MPHOSPH10: variants seen among roughly 807,000 people sequenced by gnomAD.
MPHOSPH10 encodes U3 small nucleolar ribonucleoprotein MPP10.
In MPHOSPH10, 33 loss-of-function variants were observed where a neutral mutation model predicts 77.3. The ratio of observed to expected loss-of-function variants is 0.43; its 90% CI spans 0.32 to 0.57. The LOEUF is 0.57. Ranked by LOEUF, MPHOSPH10 falls within the 20% of genes least tolerant of loss-of-function variation. The pLI is 0.07. For synonymous variants in MPHOSPH10, 245 were observed against 268.0 expected, an observed-to-expected ratio of 0.91 and a Z score of 0.84; for missense variants, 708 against 780.1, an observed-to-expected ratio of 0.91 and a Z score of 1.10.
At chr2:71,143,054 A>G (rs2103675538) in intron 7 of MPHOSPH10, among the ~76,000 whole-genome samples, 1 of 152,288 alleles carries the variant, frequency 6.6e-6, no homozygotes, top group African/African-American at 2.4e-5. Context: ...AACACATTAC[A>G]TGTAAATAAA....
intron 8 of MPHOSPH10, 137 bp downstream of exon 8, chr2:71,144,675 G>A (rs1448332370): frequency 1.4e-5 from 9 of 664,600 alleles, no homozygotes; most frequent in Non-Finnish European, 2.0e-5. Context: ...GGGTCTCCAT[G>A]AGGAAAGCTC....
At chr2:71,148,343 C>T in intron 9 of MPHOSPH10, 1 of 407,706 alleles carries the variant, frequency 2.5e-6, no homozygotes, top group Non-Finnish European at 4.5e-6. Flanking sequence ...TTTAAAATAG[C>T]TAGTATCAAT....
chr2:71,134,138 G>T, intron 3 of MPHOSPH10, 33 bp downstream of exon 3: 1 of 1,580,644 alleles, frequency 6.3e-7, no homozygotes, highest in Non-Finnish European at 8.6e-7. Flanking sequence ...TACATTGTAA[G>T]CTGGAATTGC....
At position 71,133,141 on chromosome 2, in the gene MPHOSPH10, A is replaced by G. The variant is rs1222221697; in HGVS notation, c.333A>G (p.Glu111=). The G allele has an allele frequency of 1.2e-6, 2 of 1,614,158 alleles. No homozygotes were observed. Among genetic ancestry groups the G allele is most frequent in the East Asian group, 4.5e-5 (2 of 44,876 alleles). ...ATATCAGTCTTCTCCCAGAGAGTGA[A>G]GAACAGGAACGTGAAGAGGATGGTT... ...DEDISLLPES[E]EQEREEDGSE... is the part of the protein sequence containing the mutation. Residue 111 remains glutamate (E), a synonymous_variant, in exon 2 of 11, where the codon GAA becomes GAG. Coordinates refer to ENST00000244230, the MANE Select transcript of MPHOSPH10 (RefSeq NM_005791.3).
At chr2:71,141,449 C>A (rs905693583) in intron 7 of MPHOSPH10, 80 bp downstream of exon 7, 2 of 1,192,342 alleles carry the variant, frequency 1.7e-6, no homozygotes, top group East Asian at 3.0e-5. Context: ...CTGTTGAAAT[C>A]GTGAAACAGA....
In MPHOSPH10 at chr2:71,149,557, C is replaced by T. The variant is rs72905552; in HGVS notation, c.1896+104C>T. 0.012 allele frequency: 12,614 copies of T among 1,075,456 alleles called. 623 individuals carry two copies. The African/African-American group carries it at 0.13, about 11-fold the overall frequency. 66.6% of individuals were successfully genotyped at this position (1,075,456 alleles called of 1,614,324 possible). A position where few individuals can be genotyped will look rare whatever the true frequency, so the allele number is the denominator to read the frequency against. The stretch of plus-strand genomic sequence containing the variant: ...TCTGAGCCAGCTGACAGCCCACCTG[C>T]GGGATAGAGATGCATGATGCTGACT... On this transcript the variant is annotated intron_variant, in intron 10 of 10. Coordinates refer to ENST00000244230, the MANE Select transcript of MPHOSPH10 (RefSeq NM_005791.3).
chr2:71,137,673 A>G (rs1054605596), intron 4 of MPHOSPH10, among the ~76,000 whole-genome samples: 2 of 151,682 alleles, frequency 1.3e-5, no homozygotes, highest in African/African-American at 4.8e-5. Context: ...AAAAAAAAAA[A>G]AAAAAGATTA....
chr2:71,144,201 G>A, intron 7 of MPHOSPH10: 1 of 348,776 alleles, frequency 2.9e-6, no homozygotes, highest in East Asian at 4.9e-5. Context: ...TTTAAGTTCT[G>A]AGTATTAGAG....
chr2:71,143,520 A>G (rs1673651302), intron 7 of MPHOSPH10, among the ~76,000 whole-genome samples: 1 of 152,136 alleles, frequency 6.6e-6, no homozygotes, highest in African/African-American at 2.4e-5. Context: ...AATTGGGAGC[A>G]TTTAGGACAG....
At chr2:71,139,993 C>T (rs910276074) in intron 6 of MPHOSPH10, 131 bp downstream of exon 6, 3 of 636,210 alleles carry the variant, frequency 4.7e-6, no homozygotes, top group Non-Finnish European at 8.1e-6. Context: ...ATCTAGGCTA[C>T]CTAGTCAGCT....
chr2:71,132,416 C>T (rs1026961972), intron 1 of MPHOSPH10, among the ~76,000 whole-genome samples: 3 of 152,166 alleles, frequency 2.0e-5, no homozygotes, highest in Non-Finnish European at 4.4e-5. Context: ...CTCAAGCTCA[C>T]CTCTAGAGGA....
At chr2:71,137,712 C>G (rs1558754133) in intron 4 of MPHOSPH10, among the ~76,000 whole-genome samples, 1 of 147,714 alleles carries the variant, frequency 6.8e-6, no homozygotes, top group African/African-American at 2.5e-5. Context: ...TTATATTCCA[C>G]TAAGAGTGAA....
intron 8 of MPHOSPH10, among the ~76,000 whole-genome samples, 166 bp downstream of exon 8, chr2:71,144,704 G>A (rs920797159): frequency 6.6e-6 from 1 of 152,200 alleles, no homozygotes; most frequent in African/African-American, 2.4e-5. Flanking sequence ...TCCCATGACA[G>A]TTCTGGCTCT....
chr2:71,139,717 G>C, intron 5 of MPHOSPH10, 78 bp from the exon 6 acceptor site: 1 of 944,918 alleles, frequency 1.1e-6, no homozygotes, highest in Non-Finnish European at 1.6e-6. Context: ...TGTTGCTGAT[G>C]CTGTGGGTCC....
At position 71,149,863 on chromosome 2, in the gene MPHOSPH10, C is replaced by A; in HGVS notation, c.1897-3C>A. The A allele has an allele frequency of 6.6e-7, 1 of 1,522,282 alleles. No homozygotes were observed. Among genetic ancestry groups the A allele is most frequent in the South Asian group, 1.3e-5 (1 of 74,862 alleles). The allele number at this position is 1,522,282 out of a possible 1,614,324, so 94.3% of individuals were successfully genotyped here. On this transcript the variant is annotated splice_polypyrimidine_tract_variant and splice_region_variant and intron_variant, in intron 10 of 10. Coordinates refer to ENST00000244230, the MANE Select transcript of MPHOSPH10 (RefSeq NM_005791.3). Reference sequence around the variant, plus strand: ...CATAAGCATGTGGTGTTTTTAATTGCAGGATGAAGGTAAAGACAAGGCCTT... The same window carrying A: ...CATAAGCATGTGGTGTTTTTAATTGAAGGATGAAGGTAAAGACAAGGCCTT...
At chr2:71,141,983 G>T (rs924827821) in intron 7 of MPHOSPH10, among the ~76,000 whole-genome samples, 3 of 152,128 alleles carry the variant, frequency 2.0e-5, no homozygotes, top group African/African-American at 7.2e-5. Flanking sequence ...AGTGAGCCCA[G>T]ATCGCGCCAC....
At position 71,134,790 on chromosome 2, in the gene MPHOSPH10, A is replaced by G; in HGVS notation, c.1091A>G (p.Gln364Arg). 6.4e-7 allele frequency: 1 copy of G among 1,569,534 alleles called. No homozygotes were observed. The highest frequency in any genetic ancestry group is 1.2e-5 in the South Asian group (1 of 86,448). ...DEVKSSFEKR[Q>R]EKMNEKIASL... ...GTTAAATCCTCCTTTGAAAAAAGAC[A>G]GGAAAAGGTAATTAGTAATTTAAGG... is the stretch of plus-strand genomic sequence containing the variant. The change falls in exon 4 of 11, where the codon CAG becomes CGG. Residue 364 changes from glutamine to arginine, a missense_variant. By Grantham distance (43) the Gln-to-Arg change is conservative (BLOSUM62 1). Around this residue, in one of 3 missense-constraint regions of MPHOSPH10, gnomAD observed 433 missense variants for 432.6 expected, o/e 1.00. Transcript: ENST00000244230.
intron 10 of MPHOSPH10, 53 bp downstream of exon 10, chr2:71,149,506 A>G: frequency 6.6e-7 from 1 of 1,508,030 alleles, no homozygotes; most frequent in Admixed American, 1.8e-5. Context: ...GGGGAAGTGG[A>G]TAGCAAGTGC....
chr2:71,148,065 A>G lies in MPHOSPH10; in HGVS notation c.1624A>G (p.Ser542Gly), dbSNP rs142733900. The G allele has an allele frequency of 6.2e-7, 1 of 1,614,034 alleles. No individual in the cohort carries two copies. The highest frequency in any genetic ancestry group is 1.3e-5 in the African/African-American group (1 of 74,908). ...AACCATGGAGGAAGTAGCCCCAGTG[A>G]GTGTTAGTGATGCAGCTCTCCTGGC... Reference protein sequence around the residue: ...AITMEEVAPVSVSDAALLAPE... With the variant: ...AITMEEVAPVGVSDAALLAPE... The change falls in exon 9 of 11, where the codon AGT becomes GGT. Residue 542 changes from serine to glycine, a missense_variant. Physicochemically the swap from Ser to Gly is moderately conservative, Grantham distance 56 (BLOSUM62 0). Transcript: ENST00000244230.
Sources: gnomAD v4.1 joint callset for allele counts (sites outside exome capture counted in the v4.1 genomes callset) on GRCh38, gnomAD v4.1.1 for gene constraint, gnomAD v4.1.1 regional missense constraint, MANE v1.5 for transcripts, NCBI Gene and HGNC (gene_info 2026-07-23, HGNC 2026-07-21) for gene names.